ADGRB3: variants seen among roughly 807,000 people sequenced by gnomAD.
ADGRB3 encodes the protein brain-specific angiogenesis inhibitor 3.
In ADGRB3, 37 loss-of-function variants were observed where a neutral mutation model predicts 193.4. The ratio of observed to expected loss-of-function variants is 0.19; its 90% CI spans 0.15 to 0.25. The LOEUF (loss-of-function observed/expected upper bound fraction) is 0.25, where lower values mean the gene tolerates loss of function less well. ADGRB3 is among the 10% of genes least tolerant of loss of function. The pLI, the probability that ADGRB3 is intolerant of heterozygous loss-of-function variation, is 1.00. For missense variants in ADGRB3, 1,637 were observed against 1,852.9 expected, an observed-to-expected ratio of 0.88 and a Z score of 2.14; for synonymous variants, 690 against 644.2, an observed-to-expected ratio of 1.07 and a Z score of -1.08.
At chr6:69,330,167 A>C (rs1332631739) in intron 22 of ADGRB3, among the ~76,000 whole-genome samples, 2 of 152,182 alleles carry the variant, frequency 1.3e-5, no homozygotes, top group Non-Finnish European at 2.9e-5. Flanking sequence ...AATGGATATA[A>C]AGCAGCATTT....
chr6:68,991,913 G>T (rs1769249958), intron 10 of ADGRB3, among the ~76,000 whole-genome samples: 1 of 152,122 alleles, frequency 6.6e-6, no homozygotes, highest in African/African-American at 2.4e-5. Flanking sequence ...AAGCTGCAAA[G>T]TTGAAACACA....
At chr6:68,777,939 G>A (rs1329662128) in intron 3 of ADGRB3, among the ~76,000 whole-genome samples, 1 of 151,970 alleles carries the variant, frequency 6.6e-6, no homozygotes, top group African/African-American at 2.4e-5. Flanking sequence ...AAACCATCCC[G>A]ATCTAGTAAG....
intron 14 of ADGRB3, among the ~76,000 whole-genome samples, chr6:69,048,690 C>G (rs150206512): frequency 1.3e-5 from 2 of 152,052 alleles, no homozygotes; most frequent in East Asian, 3.9e-4. Flanking sequence ...ATTTTTATTT[C>G]TGCCTCATTA....
intron 17 of ADGRB3, among the ~76,000 whole-genome samples, chr6:69,198,687 G>A (rs1765349734): frequency 6.6e-6 from 1 of 152,060 alleles, no homozygotes; most frequent in Admixed American, 6.6e-5. Context: ...CAAGTCTGGA[G>A]TGAGTAACAG....
intron 20 of ADGRB3, among the ~76,000 whole-genome samples, chr6:69,251,237 T>C (rs185106422): frequency 6.6e-6 from 1 of 152,340 alleles, no homozygotes; most frequent in African/African-American, 2.4e-5. Context: ...TGGGCTAGCC[T>C]AGTTAACTTA....
chr6:68,669,455 T>G (rs1018518133), intron 3 of ADGRB3, among the ~76,000 whole-genome samples: 4 of 151,848 alleles, frequency 2.6e-5, no homozygotes, highest in Admixed American at 6.6e-5. Flanking sequence ...GTTCAATTGT[T>G]TTGATTTTTA....
chr6:69,292,588 G>A (rs74537982), intron 20 of ADGRB3, among the ~76,000 whole-genome samples: 4,911 of 152,164 alleles, frequency 0.032, 250 homozygotes, highest in African/African-American at 0.11. Flanking sequence ...CCAGGTCATA[G>A]GAAACTACAT....
chr6:69,337,952 A>G (rs888746907), intron 24 of ADGRB3, among the ~76,000 whole-genome samples: 3 of 152,216 alleles, frequency 2.0e-5, no homozygotes, highest in Admixed American at 6.5e-5. Context: ...GGAATGGACT[A>G]TGCACACCTC....
chr6:69,018,595 T>C, intron 13 of ADGRB3, 96 bp downstream of exon 13: 1 of 746,836 alleles, frequency 1.3e-6, no homozygotes, highest in South Asian at 1.9e-5. Flanking sequence ...TCATTATTCA[T>C]ATGTTTAACT....
Position 69,149,924 on chromosome 6 carries a change from C to CTGTGTGTGTGTGTGTG in ADGRB3, c.2480+73922_2480+73937dup, listed in dbSNP as rs1167142377. On this transcript the variant is annotated intron_variant, in intron 17 of 31. Transcript: ENST00000370598. ...TTTATCTCTCTCTCTGTCTGTCTTT[C>CTGTGTGTGTGTGTGTG]TGTGTGTGTGTGTGTGTGTGTGTGT... 2.2e-4 allele frequency among the ~76,000 whole-genome samples: 29 copies of CTGTGTGTGTGTGTGTG among 128,952 alleles called. 1 individual carries two copies. The highest frequency in any genetic ancestry group is 7.8e-4 in the African/African-American group (26 of 33,252). 84.6% of individuals were successfully genotyped at this position (128,952 alleles called of 152,430 possible).
At chr6:68,711,347 A>G (rs1241675646) in intron 3 of ADGRB3, among the ~76,000 whole-genome samples, 1 of 152,148 alleles carries the variant, frequency 6.6e-6, no homozygotes, top group African/African-American at 2.4e-5. Context: ...CAAAAACAAT[A>G]TCTATTTTGC....
chr6:69,359,310 A>G (rs1769397039), intron 28 of ADGRB3, among the ~76,000 whole-genome samples: 1 of 151,502 alleles, frequency 6.6e-6, no homozygotes, highest in Non-Finnish European at 1.5e-5. Flanking sequence ...ATGTATCATT[A>G]CTCCTGGAAA....
intron 3 of ADGRB3, among the ~76,000 whole-genome samples, chr6:68,902,178 C>T (rs1766412710): frequency 6.6e-6 from 1 of 151,970 alleles, no homozygotes; most frequent in Admixed American, 6.6e-5. Flanking sequence ...ACGAGGTATT[C>T]ACACTGTTAC....
chr6:68,669,154 A>G (rs976804689), intron 3 of ADGRB3, among the ~76,000 whole-genome samples: 14 of 152,058 alleles, frequency 9.2e-5, no homozygotes, highest in Admixed American at 4.6e-4. Flanking sequence ...CAGGCATGCT[A>G]TGTGAAATAA....
At chr6:68,835,756 T>G (rs537023737) in intron 3 of ADGRB3, among the ~76,000 whole-genome samples, 1 of 152,322 alleles carries the variant, frequency 6.6e-6, no homozygotes, top group South Asian at 2.1e-4. Context: ...TTATGGATTC[T>G]TCAACTGGTT....
At chr6:69,104,706 G>A (rs1773161832) in intron 17 of ADGRB3, among the ~76,000 whole-genome samples, 1 of 151,822 alleles carries the variant, frequency 6.6e-6, no homozygotes, top group South Asian at 2.1e-4. Flanking sequence ...CACAATATGT[G>A]TTTCAGTAAA....
At chr6:69,232,407 T>C in intron 17 of ADGRB3, 1 of 1,448,766 alleles carries the variant, frequency 6.9e-7, no homozygotes. Flanking sequence ...AAATAAACCA[T>C]ATGCTTTAGC....
rs546747622 is a variant in ADGRB3 at position 69,147,244 on chromosome 6, A to G, written c.2480+71206A>G. On this transcript the variant is annotated intron_variant, in intron 17 of 31. Transcript: ENST00000370598. ...TTAAGATGCATCATTAGGTTGTTCA[A>G]TTGATGTTTTTCTACCTTTTTGAGG... 1.4e-4 allele frequency among the ~76,000 whole-genome samples: 21 copies of G among 151,918 alleles called. 1 individual carries two copies. In the South Asian group the frequency reaches 3.5e-3, roughly 26 times the overall value.
At chr6:68,798,215 G>A (rs1425864933) in intron 3 of ADGRB3, among the ~76,000 whole-genome samples, 1 of 152,166 alleles carries the variant, frequency 6.6e-6, no homozygotes, top group East Asian at 1.9e-4. Context: ...ATGTAACATA[G>A]TTTATAGAAG....
Sources: allele counts gnomAD v4.1 joint callset (sites outside exome capture counted in the v4.1 genomes callset), GRCh38; gene constraint gnomAD v4.1.1; transcripts MANE v1.5; gene names NCBI Gene and HGNC (gene_info 2026-07-23, HGNC 2026-07-21).